LRP1B: variants seen among roughly 807,000 people sequenced by gnomAD.
The protein encoded by LRP1B is low-density lipoprotein receptor-related protein 1B.
In LRP1B, 217 loss-of-function variants were observed where a neutral mutation model predicts 556.6. The ratio of observed to expected loss-of-function variants is 0.39; its 90% CI spans 0.35 to 0.44. The LOEUF (loss-of-function observed/expected upper bound fraction) is 0.44, where lower values mean the gene tolerates loss of function less well. Ranked by LOEUF, LRP1B falls within the 20% of genes least tolerant of loss-of-function variation. The pLI, the probability that LRP1B is intolerant of heterozygous loss-of-function variation, is 1.00. For missense variants in LRP1B, 5,053 were observed against 5,620.8 expected (o/e 0.90, Z 3.23); for synonymous variants, 2,047 against 1,865.8 (o/e 1.10, Z -2.50).
intron 1 of LRP1B, among the ~76,000 whole-genome samples, chr2:141,815,331 T>TGAGAG (rs376383075): frequency 4.6e-5 from 7 of 152,300 alleles, no homozygotes; most frequent in African/African-American, 1.7e-4. Flanking sequence ...AAGAAGGTAG[T>TGAGAG]GAGAGGTGAA....
chr2:140,761,321 A>T (rs529455710), intron 35 of LRP1B, among the ~76,000 whole-genome samples: 1 of 152,330 alleles, frequency 6.6e-6, no homozygotes, highest in South Asian at 2.1e-4. Flanking sequence ...TGGGAATAAG[A>T]TATATAAAAG....
At chr2:140,600,481 G>A (rs1361572375) in intron 42 of LRP1B, among the ~76,000 whole-genome samples, 1 of 152,026 alleles carries the variant, frequency 6.6e-6, no homozygotes, top group Non-Finnish European at 1.5e-5. Flanking sequence ...ACCAATTTCT[G>A]TTATTTAGTC....
At chr2:141,013,066 AC>A (rs1261456807) in intron 14 of LRP1B, among the ~76,000 whole-genome samples, 1 of 151,922 alleles carries the variant, frequency 6.6e-6, no homozygotes, top group African/African-American at 2.4e-5. Context: ...AGACGGTTTT[AC>A]TTTTGTGTCA....
chr2:140,870,493 T>A lies in LRP1B; in HGVS notation c.4170-2230A>T, dbSNP rs7349387. On this transcript the variant is annotated intron_variant, in intron 25 of 90. Transcript: ENST00000389484. ...TATATGGCTCCCATGTACACTTGCATGTTAGTAATCCTGTATGCCTTTTCT... is the reference window on the plus strand; with the variant it reads ...TATATGGCTCCCATGTACACTTGCAAGTTAGTAATCCTGTATGCCTTTTCT... 3.9e-5 allele frequency among the ~76,000 whole-genome samples: 6 copies of A among 152,134 alleles called. No homozygotes were observed. In the South Asian group the frequency reaches 1.2e-3, roughly 31 times the overall value.
At chr2:141,573,145 ATTC>A (rs940261822) in intron 2 of LRP1B, among the ~76,000 whole-genome samples, 4 of 152,200 alleles carry the variant, frequency 2.6e-5, no homozygotes, top group Non-Finnish European at 5.9e-5. Context: ...TAGACTATAC[ATTC>A]TTCTTAGTGC....
chr2:141,110,012 CAG>C (rs1224118128), intron 7 of LRP1B, among the ~76,000 whole-genome samples: 1 of 152,072 alleles, frequency 6.6e-6, no homozygotes, highest in Admixed American at 6.6e-5. Context: ...ATACAGGAGT[CAG>C]AGAGTGGGGA....
chr2:140,761,331 G>A (rs1321042652), intron 35 of LRP1B, among the ~76,000 whole-genome samples: 1 of 152,166 alleles, frequency 6.6e-6, no homozygotes, highest in Non-Finnish European at 1.5e-5. Context: ...ATATATAAAA[G>A]GTCTATAATA....
intron 3 of LRP1B, among the ~76,000 whole-genome samples, chr2:141,256,898 T>C (rs1257726614): frequency 6.6e-6 from 1 of 151,874 alleles, no homozygotes; most frequent in Non-Finnish European, 1.5e-5. Context: ...AGCATTCCCT[T>C]AAGAAGAATA....
At chr2:140,522,124 G>A (rs1574036023) in intron 49 of LRP1B, among the ~76,000 whole-genome samples, 1 of 151,862 alleles carries the variant, frequency 6.6e-6, no homozygotes, top group South Asian at 2.1e-4. Context: ...GACTACCGTA[G>A]CATATACATT....
intron 3 of LRP1B, among the ~76,000 whole-genome samples, chr2:141,425,780 T>C (rs1680339441): frequency 6.6e-6 from 1 of 152,004 alleles, no homozygotes. Context: ...TGTTTTTTTC[T>C]TGTAAATTTG....
At chr2:141,847,050 G>C (rs1194065259) in intron 1 of LRP1B, among the ~76,000 whole-genome samples, 1 of 151,304 alleles carries the variant, frequency 6.6e-6, no homozygotes, top group East Asian at 1.9e-4. Context: ...ACTGTTCTTT[G>C]TTTCATTTCA....
chr2:142,108,502 C>T (rs770740180), intron 1 of LRP1B, among the ~76,000 whole-genome samples: 32 of 152,258 alleles, frequency 2.1e-4, no homozygotes, highest in Admixed American at 1.2e-3. Flanking sequence ...AAGAAAAGTC[C>T]GTCACTGAAT....
chr2:140,745,563 G>C (rs1291843946), intron 35 of LRP1B, among the ~76,000 whole-genome samples: 2 of 152,042 alleles, frequency 1.3e-5, no homozygotes, highest in African/African-American at 2.4e-5. Flanking sequence ...TGGGTTTTCT[G>C]TGTGTATATG....
chr2:141,464,148 C>T (rs1419640647), intron 3 of LRP1B, among the ~76,000 whole-genome samples: 1 of 151,930 alleles, frequency 6.6e-6, no homozygotes, highest in Non-Finnish European at 1.5e-5. Context: ...AGAGTTTCTC[C>T]ACTTTCTTAC....
rs538891139 is a variant in LRP1B, at chr2:140,313,908, T to G, written c.12805+1027A>C. Among the ~76,000 whole-genome samples, 278 of 152,074 alleles carry G rather than the reference T, an allele frequency of 1.8e-3. 3 individuals are homozygous for G. Among genetic ancestry groups the G allele is most frequent in the African/African-American group, 5.9e-3 (245 of 41,560 alleles). ...TCAGAATGCTATTAAGTAATTAGAA[T>G]AATTTCATTATGAATTAATAAGAAA... On this transcript the variant is annotated intron_variant, in intron 83 of 90. Transcript: ENST00000389484.
chr2:140,536,083 A>C (rs557002441), intron 46 of LRP1B, among the ~76,000 whole-genome samples: 16 of 152,118 alleles, frequency 1.1e-4, no homozygotes, highest in Non-Finnish European at 1.9e-4. Flanking sequence ...TAAAGAAAGT[A>C]AGCCTAAAAC....
chr2:140,814,920 G>A (rs902351949), intron 31 of LRP1B, among the ~76,000 whole-genome samples: 1 of 152,040 alleles, frequency 6.6e-6, no homozygotes, highest in African/African-American at 2.4e-5. Context: ...CTTTTTGTTT[G>A]CTAAAGGTCC....
At chr2:140,657,415 A>G (rs1684917449) in intron 41 of LRP1B, among the ~76,000 whole-genome samples, 1 of 151,750 alleles carries the variant, frequency 6.6e-6, no homozygotes, top group South Asian at 2.1e-4. Context: ...TTAGATATAT[A>G]CATTGAATAA....
At chr2:141,006,821 A>G (rs1296243774) in intron 14 of LRP1B, among the ~76,000 whole-genome samples, 1 of 152,004 alleles carries the variant, frequency 6.6e-6, no homozygotes, top group Non-Finnish European at 1.5e-5. Context: ...CAATGATAAT[A>G]GCATTTCTGT....
Sources: gnomAD v4.1 joint callset for allele counts (sites outside exome capture counted in the v4.1 genomes callset) on GRCh38, gnomAD v4.1.1 for gene constraint, MANE v1.5 for transcripts, NCBI Gene and HGNC (gene_info 2026-07-23, HGNC 2026-07-21) for gene names.